TM4SF19: variants seen among roughly 807,000 people sequenced by gnomAD.
The protein encoded by TM4SF19 is transmembrane 4 L six family member 19.
TM4SF19 carries 17 observed loss-of-function variants against 21.8 expected under a neutral mutation model. The observed-to-expected ratio is 0.78, with a 90% CI of 0.53 to 1.17. The LOEUF is 1.17. Ranked by LOEUF, TM4SF19 falls within the 50% of genes most tolerant of loss-of-function variation. The probability of loss-of-function intolerance (pLI) is 0.00; values close to 1 mark genes in which losing one functional copy is unlikely to be tolerated. For missense variants in TM4SF19, 216 were observed against 252.1 expected, an observed-to-expected ratio of 0.86 and a Z score of 0.97; for synonymous variants, 107 against 106.7, an observed-to-expected ratio of 1.00 and a Z score of -0.02.
chr3:196,331,275 T>TAA (rs201896965), intron 1 of TM4SF19, among the ~76,000 whole-genome samples: 2 of 142,322 alleles, frequency 1.4e-5, no homozygotes, highest in Admixed American at 7.0e-5. Context: ...AAGCTCTATC[T>TAA]AAAAAAAAAA....
At chr3:196,335,898 C>G (rs1164745470) in intron 1 of TM4SF19, among the ~76,000 whole-genome samples, 1 of 151,846 alleles carries the variant, frequency 6.6e-6, no homozygotes, top group Admixed American at 6.6e-5. Flanking sequence ...CACTGCCCAC[C>G]CAGATGTCTG....
intron 1 of TM4SF19, among the ~76,000 whole-genome samples, chr3:196,334,538 C>T (rs1727644829): frequency 6.6e-6 from 1 of 151,958 alleles, no homozygotes; most frequent in African/African-American, 2.4e-5. Flanking sequence ...ACTGCAACCT[C>T]CGCCTCCCCG....
intron 1 of TM4SF19, among the ~76,000 whole-genome samples, chr3:196,332,499 GA>G (rs201519946): frequency 1.2e-3 from 170 of 139,048 alleles, no homozygotes; most frequent in East Asian, 2.5e-3. Flanking sequence ...GGGAAGGGAA[GA>G]AAAAAAATAT....
At chr3:196,331,001 C>T (rs1210751924) in intron 1 of TM4SF19, among the ~76,000 whole-genome samples, 2 of 152,072 alleles carry the variant, frequency 1.3e-5, no homozygotes, top group Non-Finnish European at 2.9e-5. Flanking sequence ...AGGCCGGGCA[C>T]GGTGACTTAC....
intron 1 of TM4SF19, among the ~76,000 whole-genome samples, chr3:196,335,581 C>T (rs779084074): frequency 2.0e-5 from 3 of 150,410 alleles, no homozygotes; most frequent in Non-Finnish European, 4.4e-5. Flanking sequence ...ACCCCAGGGG[C>T]CCAAGGGTCC....
intron 3 of TM4SF19, among the ~76,000 whole-genome samples, chr3:196,326,067 C>T (rs1359866268): frequency 2.0e-5 from 3 of 152,134 alleles, no homozygotes; most frequent in African/African-American, 4.8e-5. Flanking sequence ...CTCCGCCTCC[C>T]GGGTTCAAGA....
rs371099026 is a variant in TM4SF19 at position 196,324,225 on chromosome 3, T to G, written c.449+46A>C. 3.8e-6 allele frequency: 6 copies of G among 1,597,754 alleles called. No homozygotes were observed. In the South Asian group the frequency reaches 6.7e-5, roughly 18 times the overall value. On this transcript the variant is annotated intron_variant, in intron 4 of 4. Transcript: ENST00000273695. ...GTCTGTGTGTCTTTTTGTCTCTCTCTCTCTCTCTGTCTGAAAAGACCAAGC... is the reference window on the plus strand; with the variant it reads ...GTCTGTGTGTCTTTTTGTCTCTCTCGCTCTCTCTGTCTGAAAAGACCAAGC...
At chr3:196,337,219 C>T (rs1005673084) in intron 1 of TM4SF19, among the ~76,000 whole-genome samples, 8 of 151,764 alleles carry the variant, frequency 5.3e-5, no homozygotes, top group Non-Finnish European at 8.8e-5. Flanking sequence ...GCACCACGCC[C>T]GGCTAATTTT....
At chr3:196,328,019 C>CG (rs551825001) in intron 1 of TM4SF19, among the ~76,000 whole-genome samples, 120 of 152,028 alleles carry the variant, frequency 7.9e-4, no homozygotes, top group Non-Finnish European at 1.2e-3. Context: ...GTAATATTGT[C>CG]GGCCAGGCAT....
chr3:196,327,284 G>A, intron 2 of TM4SF19, 106 bp downstream of exon 2: 2 of 1,142,118 alleles, frequency 1.8e-6, no homozygotes, highest in Non-Finnish European at 2.5e-6. Flanking sequence ...CAGCTTGTTA[G>A]AATAAACTTT....
intron 1 of TM4SF19, among the ~76,000 whole-genome samples, chr3:196,332,502 A>G (rs1234117470): frequency 6.6e-6 from 1 of 150,378 alleles, no homozygotes; most frequent in East Asian, 1.9e-4. Flanking sequence ...AAGGGAAGAA[A>G]AAAAATATAT....
intron 1 of TM4SF19, among the ~76,000 whole-genome samples, chr3:196,335,579 G>T (rs1469059908): frequency 6.6e-6 from 1 of 151,112 alleles, no homozygotes; most frequent in Admixed American, 6.6e-5. Flanking sequence ...CTACCCCAGG[G>T]GCCCAAGGGT....
At chr3:196,326,596 T>A (rs1727301156) in intron 3 of TM4SF19, among the ~76,000 whole-genome samples, 1 of 152,130 alleles carries the variant, frequency 6.6e-6, no homozygotes, top group Non-Finnish European at 1.5e-5. Flanking sequence ...TTAAAATAAC[T>A]AGGAAAATTT....
Position 196,324,428 on chromosome 3 carries a change from G to A in TM4SF19, c.292C>T (p.Leu98=). ...SGLCRSVLTA[L]LSGGLALLGA... ...AGTAAAGCCAGGCCACCTGACAACA[G>A]AGCAGTAAGCACCTGCGGAGGGAGG... Residue 98 remains leucine (L), a synonymous_variant, in exon 4 of 5, where the codon CTG becomes TTG. Coordinates refer to ENST00000273695, the MANE Select transcript of TM4SF19 (RefSeq NM_138461.4). 5 of 1,614,016 alleles carry A rather than the reference G, an allele frequency of 3.1e-6. No homozygotes were observed. The highest frequency in any genetic ancestry group is 4.2e-6 in the Non-Finnish European group (5 of 1,180,022).
chr3:196,329,959 C>T (rs1727442003), intron 1 of TM4SF19, among the ~76,000 whole-genome samples: 2 of 126,256 alleles, frequency 1.6e-5, no homozygotes, highest in Non-Finnish European at 3.5e-5. Flanking sequence ...GCAACCTCTG[C>T]CTCCTGGGCT....
intron 1 of TM4SF19, among the ~76,000 whole-genome samples, chr3:196,337,566 T>C (rs955391217): frequency 2.0e-5 from 3 of 152,162 alleles, no homozygotes; most frequent in Non-Finnish European, 2.9e-5. Flanking sequence ...AGCTGGTGTG[T>C]GTGACCTTCC....
chr3:196,332,574 T>C (rs769809141), intron 1 of TM4SF19, among the ~76,000 whole-genome samples: 6 of 151,766 alleles, frequency 4.0e-5, no homozygotes, highest in Non-Finnish European at 8.8e-5. Context: ...ATATATCATA[T>C]ACATATAATG....
chr3:196,333,546 G>A (rs1187403687), intron 1 of TM4SF19, among the ~76,000 whole-genome samples: 1 of 152,056 alleles, frequency 6.6e-6, no homozygotes, highest in Non-Finnish European at 1.5e-5. Flanking sequence ...CAGTTAAGGG[G>A]GGATTACTTT....
At position 196,333,532 on chromosome 3, in the gene TM4SF19, G is replaced by A. The variant is rs553994925; in HGVS notation, c.-2+4732C>T. Among the ~76,000 whole-genome samples the A allele has an allele frequency of 7.2e-5, 11 of 152,234 alleles. 1 individual carries two copies. In the South Asian group the frequency reaches 2.1e-3, roughly 29 times the overall value. ...GATAGCTAAAACTTTGGAAAGCAAA[G>A]CTTCAGTTAAGGGGGGATTACTTTA... On this transcript the variant is annotated intron_variant, in intron 1 of 4. Coordinates refer to ENST00000273695, the MANE Select transcript of TM4SF19 (RefSeq NM_138461.4).
Sources: gnomAD v4.1 joint callset for allele counts (sites outside exome capture counted in the v4.1 genomes callset) on GRCh38, gnomAD v4.1.1 for gene constraint, MANE v1.5 for transcripts, NCBI Gene and HGNC (gene_info 2026-07-23, HGNC 2026-07-21) for gene names.